Variants in ATP10B observed in about 807,000 individuals in gnomAD.
ATP10B encodes ATPase phospholipid transporting 10B (putative), also known as phospholipid-transporting ATPase VB.
ATP10B carries 122 observed loss-of-function variants against 141.2 expected under a neutral mutation model. The ratio of observed to expected loss-of-function variants is 0.86; its 90% CI spans 0.75 to 1.00. The LOEUF is 1.00. Among genes scored for constraint, ATP10B ranks in the 50% least tolerant of loss-of-function variants. The pLI is 0.00. For synonymous variants in ATP10B, 685 were observed against 692.0 expected, an observed-to-expected ratio of 0.99 and a Z score of 0.16; for missense variants, 1,876 against 1,825.3, an observed-to-expected ratio of 1.03 and a Z score of -0.51.
chr5:160,789,082 C>A (rs1771382444), intron 1 of ATP10B, among the ~76,000 whole-genome samples: 1 of 152,122 alleles, frequency 6.6e-6, no homozygotes, highest in South Asian at 2.1e-4. Context: ...TATGTGCATG[C>A]ATACATGAGT....
chr5:160,675,450 C>T (rs1001138287), intron 6 of ATP10B, among the ~76,000 whole-genome samples: 6 of 152,080 alleles, frequency 3.9e-5, no homozygotes, highest in African/African-American at 1.4e-4. Context: ...AACTGGATGC[C>T]ATGGGGGAGC....
intron 1 of ATP10B, among the ~76,000 whole-genome samples, chr5:160,811,425 G>A (rs76964936): frequency 0.045 from 6,773 of 152,156 alleles, 227 homozygotes; most frequent in Non-Finnish European, 0.067. Flanking sequence ...TTCTGGATCT[G>A]CCCTGGGCTA....
At chr5:160,901,849 A>G in the ATP10B span, among the ~76,000 whole-genome samples, 1 of 152,140 alleles carries the variant, frequency 6.6e-6, no homozygotes, top group Non-Finnish European at 1.5e-5. Context: ...AGGTTATTGA[A>G]CTCCTGTTAT....
At chr5:160,755,822 AAAAAAAAAAAAAAAAAATATATAT>A (rs1428726245) in intron 2 of ATP10B, among the ~76,000 whole-genome samples, 7 of 56,608 alleles carry the variant, frequency 1.2e-4, no homozygotes, top group Non-Finnish European at 1.8e-4. Flanking sequence ...CTCAAAAAAA[AAAAAAAAAAAAAAAAAATATATAT>A]ATATATATAT....
chr5:160,783,446 CAT>C (rs368913170), intron 2 of ATP10B, among the ~76,000 whole-genome samples: 8,025 of 120,470 alleles, frequency 0.067, 508 homozygotes, highest in East Asian at 0.24. Flanking sequence ...ATATCCATCA[CAT>C]ATATATATAT....
chr5:160,804,011 G>A lies in ATP10B; in HGVS notation c.-575-18208C>T, dbSNP rs893933210. The stretch of plus-strand genomic sequence containing the variant: ...ACTCCAGTTCCTGACTGGAACTGGA[G>A]TTACTGTGCCCTGATGTCCTCCTGT... On this transcript the variant is annotated intron_variant, in intron 1 of 25. Transcript: ENST00000327245. Among the ~76,000 whole-genome samples the A allele has an allele frequency of 3.3e-5, 5 of 152,070 alleles. 1 individual carries two copies. The highest frequency in any genetic ancestry group is 9.7e-5 in the African/African-American group (4 of 41,386).
At chr5:160,839,571 T>C (rs773268862) in intron 1 of ATP10B, among the ~76,000 whole-genome samples, 4 of 151,942 alleles carry the variant, frequency 2.6e-5, no homozygotes, top group African/African-American at 4.8e-5. Context: ...GAACATCAGA[T>C]AGAAAAAACA....
intron 1 of ATP10B, among the ~76,000 whole-genome samples, chr5:160,833,684 G>T (rs528276683): frequency 6.6e-6 from 1 of 152,160 alleles, no homozygotes; most frequent in African/African-American, 2.4e-5. Context: ...AAAGGATCTA[G>T]TGGAGGAACT....
chr5:160,738,803 T>C (rs1767284590), intron 2 of ATP10B, among the ~76,000 whole-genome samples: 1 of 152,162 alleles, frequency 6.6e-6, no homozygotes, highest in Admixed American at 6.5e-5. Context: ...GAATTTCATG[T>C]AACATTTAAG....
chr5:160,836,028 A>G (rs1255255662), intron 1 of ATP10B, among the ~76,000 whole-genome samples: 2 of 152,148 alleles, frequency 1.3e-5, no homozygotes, highest in Non-Finnish European at 2.9e-5. Context: ...GTTCTCACTC[A>G]CAGGTGGAAG....
chr5:160,664,177 G>C (rs1385244399), intron 7 of ATP10B, among the ~76,000 whole-genome samples: 1 of 152,200 alleles, frequency 6.6e-6, no homozygotes, highest in African/African-American at 2.4e-5. Context: ...AAGCCTGTCA[G>C]GGACAGGTCC....
chr5:160,681,220 G>A (rs1012392392), intron 6 of ATP10B, among the ~76,000 whole-genome samples: 6 of 152,222 alleles, frequency 3.9e-5, no homozygotes, highest in African/African-American at 1.4e-4. Context: ...GCTACTTACT[G>A]AGGGTCATCC....
At chr5:160,788,185 G>C (rs1037531649) in intron 1 of ATP10B, among the ~76,000 whole-genome samples, 12 of 152,132 alleles carry the variant, frequency 7.9e-5, no homozygotes, top group Non-Finnish European at 1.8e-4. Flanking sequence ...CTGAGAGTTA[G>C]AGACAGACAG....
rs1311998228 is a variant in ATP10B, at chr5:160,688,037, T to G, written c.38A>C (p.Gln13Pro). 1 of 1,613,594 alleles carries G rather than the reference T, an allele frequency of 6.2e-7. No homozygotes were observed. The highest frequency in any genetic ancestry group is 1.1e-5 in the South Asian group (1 of 91,036). The change falls in exon 5 of 26, where the codon CAG becomes CCG. Residue 13 changes from glutamine to proline, a missense_variant. Coordinates refer to ENST00000327245, the MANE Select transcript of ATP10B (RefSeq NM_025153.3). ...GGGGAAGCCATCTCTGACTCTCCAC[T>G]GCCACCGATGCCACGATGAGTCCAC... The part of the protein sequence containing the change: ...LSVDSSWHRW[Q>P]WRVRDGFPHC...
At chr5:160,918,357 C>T in the ATP10B span, among the ~76,000 whole-genome samples, 442 of 152,256 alleles carry the variant, frequency 2.9e-3, 1 homozygote, top group African/African-American at 0.01. Flanking sequence ...AGTCTAGGGA[C>T]GTGGGCAGGG....
chr5:160,582,750 C>A (rs772104339), intron 24 of ATP10B, among the ~76,000 whole-genome samples: 15 of 152,136 alleles, frequency 9.9e-5, no homozygotes, highest in Non-Finnish European at 1.9e-4. Flanking sequence ...TCACATAGTT[C>A]CATATTTCTT....
chr5:160,883,916 G>C, the ATP10B span, among the ~76,000 whole-genome samples: 5 of 152,258 alleles, frequency 3.3e-5, no homozygotes, highest in Admixed American at 2.0e-4. Context: ...TAAGTAATTA[G>C]TGCTACTTTT....
chr5:160,893,900 CAG>C, the ATP10B span, among the ~76,000 whole-genome samples: 1 of 152,190 alleles, frequency 6.6e-6, no homozygotes. Context: ...CCCAGGCAAA[CAG>C]GGTCTGGAGT....
intron 1 of ATP10B, among the ~76,000 whole-genome samples, chr5:160,806,063 T>C (rs936300464): frequency 2.0e-5 from 3 of 152,146 alleles, no homozygotes; most frequent in African/African-American, 7.2e-5. Flanking sequence ...TCCTCCACTT[T>C]TGTGTTCTCT....
Sources: allele counts gnomAD v4.1 joint callset (sites outside exome capture counted in the v4.1 genomes callset), GRCh38; gene constraint gnomAD v4.1.1; transcripts MANE v1.5; gene names NCBI Gene and HGNC (gene_info 2026-07-23, HGNC 2026-07-21).